The following ENPP2 variants were observed in gnomAD, a reference collection of about 807,000 sequenced individuals.
ENPP2 encodes autotaxin.
In ENPP2, 51 loss-of-function variants were observed where a neutral mutation model predicts 120.2. That is an observed-to-expected ratio of 0.42 (90% CI 0.34 to 0.54). The LOEUF is 0.54. Ranked by LOEUF, ENPP2 falls within the 20% of genes least tolerant of loss-of-function variation. The probability of loss-of-function intolerance (pLI) is 0.04; values close to 1 mark genes in which losing one functional copy is unlikely to be tolerated. For missense variants in ENPP2, 920 were observed against 1,066.5 expected, an observed-to-expected ratio of 0.86 and a Z score of 1.91; for synonymous variants, 365 against 366.4, an observed-to-expected ratio of 1.00 and a Z score of 0.04.
At chr8:119,666,632 T>C (rs868131023) in intron 1 of ENPP2, among the ~76,000 whole-genome samples, 11 of 151,838 alleles carry the variant, frequency 7.2e-5, no homozygotes, top group African/African-American at 2.4e-4. Context: ...AATACAAAAT[T>C]AGCCAGGCGT....
chr8:119,570,923 T>G (rs1814924256), intron 19 of ENPP2, 82 bp from the exon 20 acceptor site: 3 of 870,566 alleles, frequency 3.4e-6, no homozygotes, highest in Non-Finnish European at 3.4e-6. Context: ...AAGAGTCAAG[T>G]TACCTAAAAT....
At chr8:119,673,028 A>G (rs1818297717) in intron 1 of ENPP2, among the ~76,000 whole-genome samples, 1 of 152,168 alleles carries the variant, frequency 6.6e-6, no homozygotes, top group South Asian at 2.1e-4. Flanking sequence ...CAAACTCGAT[A>G]TTTACAAACT....
At chr8:119,670,854 T>A (rs1818222044) in intron 1 of ENPP2, among the ~76,000 whole-genome samples, 1 of 152,016 alleles carries the variant, frequency 6.6e-6, no homozygotes, top group Admixed American at 6.6e-5. Context: ...TAGTAAGATA[T>A]AACAATGAAG....
intron 1 of ENPP2, among the ~76,000 whole-genome samples, chr8:119,656,172 T>C (rs944213302): frequency 6.6e-6 from 1 of 152,220 alleles, no homozygotes; most frequent in Non-Finnish European, 1.5e-5. Context: ...ATGATGTTTT[T>C]CTCCTTTTTT....
intron 1 of ENPP2, among the ~76,000 whole-genome samples, chr8:119,654,970 C>G (rs1006902951): frequency 9.9e-5 from 15 of 152,090 alleles, no homozygotes; most frequent in African/African-American, 3.4e-4. Flanking sequence ...CTTACTTTTT[C>G]CTGGATAAAT....
At chr8:119,657,374 T>C (rs1381117416) in intron 1 of ENPP2, among the ~76,000 whole-genome samples, 1 of 152,226 alleles carries the variant, frequency 6.6e-6, no homozygotes, top group African/African-American at 2.4e-5. Flanking sequence ...GCCTCCTCTA[T>C]TGAGTTTGTT....
chr8:119,610,040 A>G (rs1160730434), intron 8 of ENPP2, among the ~76,000 whole-genome samples: 1 of 152,216 alleles, frequency 6.6e-6, no homozygotes, highest in Non-Finnish European at 1.5e-5. Context: ...TGTCAAAAGG[A>G]AGGAGCACAC....
chr8:119,583,268 T>G (rs750702406), intron 17 of ENPP2, among the ~76,000 whole-genome samples: 10 of 152,122 alleles, frequency 6.6e-5, no homozygotes, highest in Admixed American at 3.3e-4. Flanking sequence ...CCTTACTAAA[T>G]AGGAAAAGTT....
At chr8:119,624,766 C>CATACTGCATCTAT (rs1415486726) in intron 3 of ENPP2, among the ~76,000 whole-genome samples, 3 of 152,160 alleles carry the variant, frequency 2.0e-5, no homozygotes, top group Non-Finnish European at 2.9e-5. Flanking sequence ...AGTATACATG[C>CATACTGCATCTAT]ACACATAGAT....
chr8:119,622,654 T>G (rs1368303987), intron 3 of ENPP2, among the ~76,000 whole-genome samples: 1 of 152,236 alleles, frequency 6.6e-6, no homozygotes, highest in Non-Finnish European at 1.5e-5. Flanking sequence ...AGACTGCGCC[T>G]GGCACATGCT....
intron 1 of ENPP2, among the ~76,000 whole-genome samples, chr8:119,645,804 A>C (rs1055671730): frequency 2.6e-5 from 4 of 151,132 alleles, no homozygotes; most frequent in African/African-American, 4.9e-5. Flanking sequence ...AACAGGAGCG[A>C]AACTCAATCT....
At chr8:119,650,949 C>A (rs1217265416) in intron 1 of ENPP2, among the ~76,000 whole-genome samples, 1 of 151,678 alleles carries the variant, frequency 6.6e-6, no homozygotes, top group African/African-American at 2.4e-5. Context: ...AACAATAATA[C>A]CTTTCATTTG....
intron 19 of ENPP2, chr8:119,572,252 T>C (rs766804731): frequency 6.5e-7 from 1 of 1,549,924 alleles, no homozygotes; most frequent in East Asian, 2.4e-5. Flanking sequence ...TGGTTTCAGC[T>C]GGAAGCAGAA....
exon 1 of ENPP2, chr8:119,673,333 C>A: frequency 6.5e-7 from 1 of 1,530,990 alleles, no homozygotes; most frequent in Non-Finnish European, 8.7e-7. Context: ...TGGGCTGCAG[C>A]CCCGCGACCT....
intron 19 of ENPP2, chr8:119,572,893 T>C (rs1258972575): frequency 6.6e-6 from 1 of 152,390 alleles, no homozygotes; most frequent in Non-Finnish European, 1.5e-5. Context: ...GGATGATGAA[T>C]ACTGGAAATG....
intron 11 of ENPP2, among the ~76,000 whole-genome samples, chr8:119,600,145 T>C (rs529965304): frequency 5.5e-4 from 84 of 152,256 alleles, no homozygotes; most frequent in African/African-American, 1.9e-3. Flanking sequence ...TTTCACAGTA[T>C]ATATACCTAT....
intron 1 of ENPP2, among the ~76,000 whole-genome samples, chr8:119,647,492 T>G (rs898927208): frequency 2.6e-5 from 4 of 152,242 alleles, no homozygotes; most frequent in Non-Finnish European, 4.4e-5. Context: ...GCTTTGTCAC[T>G]GCAAACCCAA....
chr8:119,577,867 G>A (rs932826582), intron 19 of ENPP2, among the ~76,000 whole-genome samples: 5 of 152,102 alleles, frequency 3.3e-5, no homozygotes, highest in East Asian at 1.9e-4. Flanking sequence ...AAGCTTCAGC[G>A]GTATAAAAAG....
At chr8:119,601,484 A>T (rs777686048) in intron 9 of ENPP2, 22 bp from the exon 10 acceptor site, 15 of 1,605,320 alleles carry the variant, frequency 9.3e-6, no homozygotes, top group Middle Eastern at 1.7e-4. Flanking sequence ...AAGCAAGCAA[A>T]GCATGTTGTT....
Sources: allele counts gnomAD v4.1 joint callset (sites outside exome capture counted in the v4.1 genomes callset), GRCh38; gene constraint gnomAD v4.1.1; transcripts MANE v1.5; gene names NCBI Gene and HGNC (gene_info 2026-07-23, HGNC 2026-07-21).